ART3: variants seen among roughly 807,000 people sequenced by gnomAD.
ART3 encodes ecto-ADP-ribosyltransferase 3.
A neutral mutation model predicts 48.5 loss-of-function variants in ART3; 49 were observed. The ratio of observed to expected loss-of-function variants is 1.01; its 90% CI spans 0.80 to 1.28. The LOEUF is 1.28. ART3 is among the 50% of genes most tolerant of loss of function. ART3 has a pLI of 0.00. For synonymous variants in ART3, 145 were observed against 157.2 expected, an observed-to-expected ratio of 0.92 and a Z score of 0.58; for missense variants, 438 against 454.3, an observed-to-expected ratio of 0.96 and a Z score of 0.33.
In ART3 at chr4:76,112,512, C is replaced by T; in HGVS notation, c.1163C>T (p.Ala388Val). 6.2e-7 allele frequency: 1 copy of T among 1,612,294 alleles called. No homozygotes were observed. The highest frequency in any genetic ancestry group is 1.1e-5 in the South Asian group (1 of 90,792). Residue 388 changes from alanine to valine, a missense_variant, in exon 12 of 12, where the codon GCT becomes GTT. Around this residue, in one of 3 missense-constraint regions of ART3, gnomAD observed 227 missense variants for 229.6 expected, o/e 0.99. Transcript: ENST00000355810. ...ISVSAINLFV[A>V]L ...GTTTCTGCTATAAATCTCTTTGTTG[C>T]TCTGTAGTTTGATGCATTGTTTATC...
intron 1 of ART3, chr4:76,021,957 A>G (rs756872695): frequency 6.2e-7 from 1 of 1,608,966 alleles, no homozygotes; most frequent in South Asian, 1.1e-5. Flanking sequence ...ACCTGTAAGA[A>G]GAGAAAGGGG....
rs1039341788 is a variant in ART3, at chr4:76,049,599, A to G, written c.-9-26282A>G. Among the ~76,000 whole-genome samples the G allele has an allele frequency of 4.6e-5, 7 of 151,376 alleles. No individual in the cohort carries two copies. In the East Asian group the frequency reaches 7.8e-4, roughly 17 times the overall value. On this transcript the variant is annotated intron_variant, in intron 1 of 9. Transcript: ENST00000341029. ...ATGTCTTTAGTCCGGCAGCCTCACT[A>G]GTCTCTTTTAACTGGCCGACAGGTG...
At chr4:76,108,675 G>T (rs1728921560) in intron 11 of ART3, among the ~76,000 whole-genome samples, 1 of 99,240 alleles carries the variant, frequency 1.0e-5, no homozygotes, top group South Asian at 2.8e-4. Context: ...AACAAGATGG[G>T]GTATGTTCTG....
intron 1 of ART3, among the ~76,000 whole-genome samples, chr4:76,025,340 T>A (rs1354530388): frequency 6.6e-6 from 1 of 152,140 alleles, no homozygotes. Context: ...AAATGAGAGA[T>A]GGTGACAGTT....
chr4:76,082,479 T>G lies in ART3; in HGVS notation c.725T>G (p.Leu242Arg). 6.2e-7 allele frequency: 1 copy of G among 1,610,798 alleles called. No homozygotes were observed. The highest frequency in any genetic ancestry group is 8.5e-7 in the Non-Finnish European group (1 of 1,178,654). The change falls in exon 3 of 12, where the codon CTT (leucine) becomes CGT (arginine). Residue 242 changes from leucine (L) to arginine (R), a missense_variant. Coordinates refer to ENST00000355810, the MANE Select transcript of ART3 (RefSeq NM_001130016.3). ...QVSQEGAGNNLILQSINKTCS... is the reference protein window; with the variant it reads ...QVSQEGAGNNRILQSINKTCS... ...TCACAGGAGGGGGCTGGCAATAACC[T>G]TATCCTTCAAAGCATAAACAAGACC...
At chr4:76,046,558 A>G (rs1182355509) in intron 1 of ART3, among the ~76,000 whole-genome samples, 1 of 151,950 alleles carries the variant, frequency 6.6e-6, no homozygotes, top group Non-Finnish European at 1.5e-5. Flanking sequence ...GATACGGAAA[A>G]GTGGTGGGAT....
intron 1 of ART3, chr4:76,034,590 C>T: frequency 1.7e-6 from 1 of 588,114 alleles, no homozygotes; most frequent in Non-Finnish European, 3.0e-6. Flanking sequence ...GATTGTCATT[C>T]ATTCAGGAAG....
At chr4:76,097,183 A>G (rs1726199091) in intron 3 of ART3, among the ~76,000 whole-genome samples, 1 of 152,148 alleles carries the variant, frequency 6.6e-6, no homozygotes, top group Non-Finnish European at 1.5e-5. Flanking sequence ...TGTACTATAA[A>G]TACTAAAATA....
At chr4:76,047,562 A>G (rs549786462) in intron 1 of ART3, among the ~76,000 whole-genome samples, 8 of 151,840 alleles carry the variant, frequency 5.3e-5, no homozygotes, top group Admixed American at 2.0e-4. Context: ...ATCATTGAAT[A>G]ATTCATGGGC....
At chr4:76,065,552 A>AACAC (rs56794781) in intron 1 of ART3, among the ~76,000 whole-genome samples, 109 of 145,368 alleles carry the variant, frequency 7.5e-4, no homozygotes, top group African/African-American at 2.4e-3. Context: ...ATAACCCTCC[A>AACAC]ACACACACAC....
intron 1 of ART3, among the ~76,000 whole-genome samples, chr4:76,059,337 T>C (rs1423397750): frequency 1.3e-5 from 2 of 150,990 alleles, no homozygotes; most frequent in African/African-American, 2.4e-5. Flanking sequence ...TTTGTTTTCT[T>C]GCTGTCTTCT....
chr4:76,088,423 T>C (rs1333085495), intron 3 of ART3, among the ~76,000 whole-genome samples: 2 of 152,066 alleles, frequency 1.3e-5, no homozygotes, highest in African/African-American at 4.8e-5. Flanking sequence ...GCCTGTAGAC[T>C]CCAGTGGCTA....
chr4:76,079,966 T>TAAG, intron 2 of ART3, among the ~76,000 whole-genome samples: 1 of 152,020 alleles, frequency 6.6e-6, no homozygotes, highest in Non-Finnish European at 1.5e-5. Flanking sequence ...TAAGTATCAT[T>TAAG]CACATAGAAC....
intron 4 of ART3, 40 bp from the exon 5 acceptor site, chr4:76,098,915 G>T: frequency 1.3e-6 from 2 of 1,546,736 alleles, no homozygotes; most frequent in South Asian, 1.1e-5. Context: ...ATTCACATCT[G>T]AGCATAGTAC....
intron 6 of ART3, 79 bp from the exon 7 acceptor site, chr4:76,100,716 A>G (rs970335055): frequency 1.3e-6 from 2 of 1,495,122 alleles, no homozygotes; most frequent in Non-Finnish European, 1.8e-6. Flanking sequence ...TTTCTTGCAA[A>G]TAATTTTGCT....
At chr4:76,111,218 T>C (rs750418833) in intron 11 of ART3, among the ~76,000 whole-genome samples, 12 of 150,664 alleles carry the variant, frequency 8.0e-5, no homozygotes, top group Admixed American at 2.0e-4. Flanking sequence ...AAGTGATCTC[T>C]CACAGTTCTC....
chr4:76,111,131 A>C (rs34978911), intron 11 of ART3, among the ~76,000 whole-genome samples: 24,834 of 152,114 alleles, frequency 0.16, 3,198 homozygotes, highest in African/African-American at 0.35. Flanking sequence ...AAATGTTTCG[A>C]GTATCCTCTT....
chr4:76,052,143 G>A (rs903314647), intron 1 of ART3, among the ~76,000 whole-genome samples: 2 of 152,036 alleles, frequency 1.3e-5, no homozygotes, highest in Admixed American at 6.6e-5. Context: ...CACTTTGGGA[G>A]GCTGAGGTGG....
At chr4:76,091,360 C>T (rs575096076) in intron 3 of ART3, among the ~76,000 whole-genome samples, 61 of 152,278 alleles carry the variant, frequency 4.0e-4, no homozygotes, top group African/African-American at 1.4e-3. Flanking sequence ...TACATTCTCA[C>T]CAGGAGTGTA....
Sources: gnomAD v4.1 joint callset for allele counts (sites outside exome capture counted in the v4.1 genomes callset) on GRCh38, gnomAD v4.1.1 for gene constraint, gnomAD v4.1.1 regional missense constraint, MANE v1.5 for transcripts, NCBI Gene and HGNC (gene_info 2026-07-23, HGNC 2026-07-21) for gene names.